Variants in PHF5A observed in about 807,000 individuals in gnomAD.
The protein encoded by PHF5A is PHD finger-like domain-containing protein 5A.
For synonymous variants in PHF5A, 52 were observed against 46.0 expected, an observed-to-expected ratio of 1.13 and a Z score of -0.52; for missense variants, 24 against 140.6, an observed-to-expected ratio of 0.17 and a Z score of 4.19.
At chr22:41,462,195 A>T (rs1483767184) in intron 3 of PHF5A, among the ~76,000 whole-genome samples, 2 of 152,154 alleles carry the variant, frequency 1.3e-5, no homozygotes, top group Non-Finnish European at 2.9e-5. Context: ...CCATCAGTTG[A>T]TTAGGGATGA....
intron 3 of PHF5A, among the ~76,000 whole-genome samples, chr22:41,464,701 T>C (rs2037852760): frequency 2.0e-5 from 3 of 152,230 alleles, no homozygotes; most frequent in Admixed American, 1.3e-4. Context: ...GCTAGACCCA[T>C]GCAAAAATTC....
At position 41,467,505 on chromosome 22, in the gene PHF5A, T is replaced by C. The variant is rs1331894378; in HGVS notation, c.186A>G (p.Gly62=). 1.2e-6 allele frequency: 2 copies of C among 1,614,162 alleles called. No homozygotes were observed. Among genetic ancestry groups the C allele is most frequent in the Middle Eastern group, 1.6e-4 (1 of 6,062 alleles). Residue 62 remains glycine, a synonymous_variant, in exon 3 of 4, where the codon GGA becomes GGG. Coordinates refer to ENST00000216252, the MANE Select transcript of PHF5A (RefSeq NM_032758.4). The part of the protein sequence containing the change: ...GSYQGRCVIC[G]GPGVSDAYYC... ...AATAGGCATCAGAGACCCCAGGTCC[T>C]CCACAGATCACACAGCGCCCCTGGT...
chr22:41,463,629 A>T (rs927208717), intron 3 of PHF5A, among the ~76,000 whole-genome samples: 29 of 148,304 alleles, frequency 2.0e-4, no homozygotes, highest in Non-Finnish European at 3.3e-4. Flanking sequence ...GGGGGCTGAG[A>T]CGGAAGAATT....
intron 3 of PHF5A, among the ~76,000 whole-genome samples, chr22:41,460,897 G>A (rs1469021453): frequency 6.6e-6 from 1 of 152,118 alleles, no homozygotes; most frequent in Non-Finnish European, 1.5e-5. Flanking sequence ...TATAGGCCGG[G>A]CACGGTGGCT....
chr22:41,462,773 C>T (rs572580088), intron 3 of PHF5A, among the ~76,000 whole-genome samples: 70 of 152,104 alleles, frequency 4.6e-4, no homozygotes, highest in African/African-American at 1.7e-3. Context: ...TCAAGGTTTA[C>T]AAACTATCCT....
intron 3 of PHF5A, among the ~76,000 whole-genome samples, chr22:41,464,231 C>A (rs1328601248): frequency 6.6e-6 from 1 of 152,164 alleles, no homozygotes; most frequent in Non-Finnish European, 1.5e-5. Context: ...AGACATCATC[C>A]CTGTCTCCTG....
At chr22:41,461,785 C>T (rs1464512582) in intron 3 of PHF5A, among the ~76,000 whole-genome samples, 2 of 152,142 alleles carry the variant, frequency 1.3e-5, no homozygotes, top group African/African-American at 4.8e-5. Flanking sequence ...GCCTCAGCCT[C>T]CCGAGTAGTG....
chr22:41,461,657 C>G (rs974587267), intron 3 of PHF5A, among the ~76,000 whole-genome samples: 2 of 151,734 alleles, frequency 1.3e-5, no homozygotes, highest in Non-Finnish European at 2.9e-5. Flanking sequence ...AGTGCTCGGC[C>G]ATACCTTATA....
chr22:41,461,991 G>A (rs977212671), intron 3 of PHF5A, among the ~76,000 whole-genome samples: 3 of 152,154 alleles, frequency 2.0e-5, no homozygotes, highest in African/African-American at 7.2e-5. Flanking sequence ...GGAGACTAAT[G>A]GGTTTTATGT....
Position 41,468,674 on chromosome 22 carries a change from A to C in PHF5A, c.-21T>G. 1 of 1,613,764 alleles carries C rather than the reference A, an allele frequency of 6.2e-7. No individual in the cohort carries two copies. Among genetic ancestry groups the C allele is most frequent in the Non-Finnish European group, 8.5e-7 (1 of 1,179,724 alleles). ...GCCATAGCTCCTAACTAAGCCGGCC[A>C]CCGGAAGCTTCGGGAACTTCCGTCC... On this transcript the variant is annotated 5_prime_UTR_variant, in exon 1 of 4. Transcript: ENST00000216252.
intron 3 of PHF5A, among the ~76,000 whole-genome samples, chr22:41,464,159 G>C (rs1252073391): frequency 6.6e-6 from 1 of 152,330 alleles, no homozygotes; most frequent in African/African-American, 2.4e-5. Flanking sequence ...TCAAGATTAA[G>C]GGGATTACAT....
At chr22:41,463,724 CAAAA>C (rs11387908) in intron 3 of PHF5A, among the ~76,000 whole-genome samples, 3 of 59,066 alleles carry the variant, frequency 5.1e-5, no homozygotes, top group African/African-American at 1.5e-4. Context: ...GACTCTGTCT[CAAAA>C]AAAAAAAAAA....
chr22:41,467,987 T>C lies in PHF5A; in HGVS notation c.76+137A>G, dbSNP rs2037884828. 4.6e-6 allele frequency: 4 copies of C among 879,074 alleles called. No individual in the cohort carries two copies. In the South Asian group the frequency reaches 6.3e-5, roughly 14 times the overall value. The allele number at this position is 879,074 out of a possible 1,614,324, so 54.5% of individuals were successfully genotyped here. ...CGGCAGTGGGGAGTTAGAGGGGCCT[T>C]TGGCTAAAGTGCAGCATTCAGTGTT... On this transcript the variant is annotated intron_variant, in intron 2 of 3. Coordinates refer to ENST00000216252, the MANE Select transcript of PHF5A (RefSeq NM_032758.4).
At chr22:41,463,618 AG>A (rs914131985) in intron 3 of PHF5A, among the ~76,000 whole-genome samples, 1 of 10,106 alleles carries the variant, frequency 9.9e-5, no homozygotes, top group Non-Finnish European at 3.2e-4. Flanking sequence ...CCAGCTACTC[AG>A]GGGGCTGAGA....
chr22:41,463,031 A>C (rs1422858163), intron 3 of PHF5A, among the ~76,000 whole-genome samples: 1 of 151,202 alleles, frequency 6.6e-6, no homozygotes, highest in Non-Finnish European at 1.5e-5. Flanking sequence ...CCACCACCGC[A>C]CCCAGCTGGT....
chr22:41,465,541 T>G (rs1337663316), intron 3 of PHF5A, among the ~76,000 whole-genome samples: 1 of 152,094 alleles, frequency 6.6e-6, no homozygotes, highest in Non-Finnish European at 1.5e-5. Context: ...AATGAGGTAC[T>G]GGCGTTACTG....
chr22:41,468,515 G>A (rs1193343296), intron 1 of PHF5A, 87 bp downstream of exon 1: 1 of 1,436,232 alleles, frequency 7.0e-7, no homozygotes. Flanking sequence ...TGCGAGGCAA[G>A]CCCCTAAGGA....
intron 3 of PHF5A, among the ~76,000 whole-genome samples, chr22:41,465,848 C>G (rs1239634664): frequency 6.6e-6 from 1 of 152,000 alleles, no homozygotes; most frequent in Admixed American, 6.6e-5. Flanking sequence ...CCACTGCACT[C>G]CAGCCTGGAC....
At chr22:41,468,093 G>A (rs778752488) in intron 2 of PHF5A, 31 bp downstream of exon 2, 3 of 1,612,972 alleles carry the variant, frequency 1.9e-6, no homozygotes, top group Admixed American at 1.7e-5. Flanking sequence ...AGTGGGAAGG[G>A]TGGGTTGTTG....
Sources: gnomAD v4.1 joint callset for allele counts (sites outside exome capture counted in the v4.1 genomes callset) on GRCh38, gnomAD v4.1.1 for gene constraint, MANE v1.5 for transcripts, NCBI Gene and HGNC (gene_info 2026-07-23, HGNC 2026-07-21) for gene names.